Variants in MIA2 observed in about 807,000 individuals in gnomAD.
MIA2 encodes melanoma inhibitory activity protein 2.
In MIA2, 127 loss-of-function variants were observed where a neutral mutation model predicts 167.8. The observed-to-expected ratio is 0.76, with a 90% confidence interval of 0.66 to 0.88. The LOEUF (loss-of-function observed/expected upper bound fraction) is 0.88, where lower values mean the gene tolerates loss of function less well. Among genes scored for constraint, MIA2 ranks in the 40% least tolerant of loss-of-function variants. The pLI is 0.00. For missense variants in MIA2, 1,690 were observed against 1,624.7 expected, an observed-to-expected ratio of 1.04 and a Z score of -0.69; for synonymous variants, 552 against 541.9, an observed-to-expected ratio of 1.02 and a Z score of -0.26.
At chr14:39,250,660 C>T (rs972814481) in intron 4 of MIA2, among the ~76,000 whole-genome samples, 7 of 150,814 alleles carry the variant, frequency 4.6e-5, no homozygotes, top group African/African-American at 1.7e-4. Context: ...TGCGCCACTG[C>T]ACTCCAGCCT....
chr14:39,301,593 T>A (rs1379891661), intron 14 of MIA2, among the ~76,000 whole-genome samples: 1 of 152,242 alleles, frequency 6.6e-6, no homozygotes, highest in Middle Eastern at 3.2e-3. Flanking sequence ...ACACGTCATT[T>A]GATTATCTGT....
chr14:39,331,536 G>C (rs750250298), intron 25 of MIA2, among the ~76,000 whole-genome samples: 4 of 152,172 alleles, frequency 2.6e-5, no homozygotes, highest in Non-Finnish European at 5.9e-5. Context: ...AGTTGATGCA[G>C]TTTCTTCATC....
At chr14:39,387,047 G>T in exon 24 of MIA2, 1 of 687,834 alleles carries the variant, frequency 1.5e-6, no homozygotes, top group Non-Finnish European at 2.5e-6. Flanking sequence ...GTGCCGGGTA[G>T]CTGGCGGCGG....
Position 39,369,582 on chromosome 14 carries a change from G to C in MIA2, c.2249-17303G>C, listed in dbSNP as rs1362807491. On this transcript the variant is annotated intron_variant, in intron 23 of 23. Coordinates refer to the MIA2 transcript ENST00000341502. Reference sequence around the variant, plus strand: ...TTTTATCTTCAACCTAATCCTCTCTGCTCCTCCTCTCCTCCAAAAAAATGG... The same window carrying C: ...TTTTATCTTCAACCTAATCCTCTCTCCTCCTCCTCTCCTCCAAAAAAATGG... 2.0e-5 allele frequency among the ~76,000 whole-genome samples: 3 copies of C among 152,168 alleles called. No individual in the cohort carries two copies. The East Asian group carries it at 5.8e-4, about 29-fold the overall frequency.
At chr14:39,294,821 C>T in intron 12 of MIA2, 104 bp from the exon 13 acceptor site, 1 of 757,080 alleles carries the variant, frequency 1.3e-6, no homozygotes, top group Non-Finnish European at 2.3e-6. Context: ...TTAATATTGG[C>T]ATGGTTTTGC....
chr14:39,383,452 C>T (rs942323761), intron 23 of MIA2, among the ~76,000 whole-genome samples: 1 of 152,190 alleles, frequency 6.6e-6, no homozygotes, highest in Non-Finnish European at 1.5e-5. Flanking sequence ...ATCTCTCTCC[C>T]TCTCCTTGAG....
chr14:39,378,579 T>G (rs2075090598), intron 23 of MIA2, among the ~76,000 whole-genome samples: 1 of 152,216 alleles, frequency 6.6e-6, no homozygotes, highest in South Asian at 2.1e-4. Context: ...ACAAGGAAAT[T>G]TAGTTACTTC....
chr14:39,280,837 G>GT (rs929864401), intron 9 of MIA2, among the ~76,000 whole-genome samples: 3 of 149,592 alleles, frequency 2.0e-5, no homozygotes, highest in South Asian at 2.1e-4. Context: ...TCTAGGTGTG[G>GT]TTTTTTTCTA....
chr14:39,294,910 T>C lies in MIA2; in HGVS notation c.2392-15T>C. 6.5e-7 allele frequency: 1 copy of C among 1,548,562 alleles called. No individual in the cohort carries two copies. Among genetic ancestry groups the C allele is most frequent in the Non-Finnish European group, 8.9e-7 (1 of 1,122,394 alleles). On this transcript the variant is annotated splice_polypyrimidine_tract_variant and intron_variant, in intron 12 of 28. Transcript: ENST00000640607. ...AATTAATTGTTACAAACTTGACATT[T>C]TTTGTTTCACTTAGGCCAAAATGAC...
At chr14:39,358,497 C>T (rs917925392) in intron 23 of MIA2, among the ~76,000 whole-genome samples, 23 of 152,116 alleles carry the variant, frequency 1.5e-4, no homozygotes, top group Non-Finnish European at 2.8e-4. Flanking sequence ...GCCATGGGTT[C>T]GAACTTCCTC....
chr14:39,336,058 G>C (rs535175184), intron 25 of MIA2, among the ~76,000 whole-genome samples: 47 of 152,164 alleles, frequency 3.1e-4, no homozygotes, highest in South Asian at 2.1e-4. Context: ...ATAGTGTTAC[G>C]ATAAACATGA....
intron 23 of MIA2, among the ~76,000 whole-genome samples, chr14:39,361,950 GT>G (rs1201132299): frequency 2.0e-5 from 3 of 152,056 alleles, no homozygotes; most frequent in African/African-American, 7.2e-5. Flanking sequence ...GAGATGATCT[GT>G]TTTTTGTCCT....
downstream of MIA2, among the ~76,000 whole-genome samples, chr14:39,353,203 A>G (rs1461816523): frequency 6.6e-6 from 1 of 152,174 alleles, no homozygotes; most frequent in Non-Finnish European, 1.5e-5. Flanking sequence ...TTATCATTTC[A>G]AGTCCTCTTT....
At chr14:39,281,354 G>A (rs528948901) in intron 9 of MIA2, among the ~76,000 whole-genome samples, 6 of 151,950 alleles carry the variant, frequency 3.9e-5, no homozygotes, top group East Asian at 1.9e-4. Flanking sequence ...TGTCTCTTAC[G>A]TTCTTTTCCA....
chr14:39,240,735 T>C (rs2054000186), intron 3 of MIA2, 88 bp downstream of exon 3: 2 of 818,518 alleles, frequency 2.4e-6, no homozygotes, highest in South Asian at 3.2e-5. Flanking sequence ...ATTGGTTATG[T>C]ACCTTTTATA....
At chr14:39,297,271 T>C (rs1268738859) in intron 13 of MIA2, among the ~76,000 whole-genome samples, 2 of 151,866 alleles carry the variant, frequency 1.3e-5, no homozygotes, top group African/African-American at 4.8e-5. Flanking sequence ...TTTATGTTTT[T>C]AGTAGAGATG....
intron 2 of MIA2, 188 bp downstream of exon 2, chr14:39,237,243 T>A (rs1170723468): frequency 7.5e-6 from 5 of 665,008 alleles, no homozygotes; most frequent in Non-Finnish European, 1.3e-5. Context: ...TCCTCCCACC[T>A]CAGCCTCCTG....
At chr14:39,283,239 T>C (rs2059192746) in intron 9 of MIA2, among the ~76,000 whole-genome samples, 1 of 152,216 alleles carries the variant, frequency 6.6e-6, no homozygotes, top group African/African-American at 2.4e-5. Flanking sequence ...ATTTCATTTT[T>C]TTCGGATAAA....
chr14:39,313,761 C>T (rs1432113702), intron 19 of MIA2, among the ~76,000 whole-genome samples: 1 of 151,864 alleles, frequency 6.6e-6, no homozygotes, highest in Non-Finnish European at 1.5e-5. Context: ...AAGGTCCTTC[C>T]TCATTGGTTC....
Sources: gnomAD v4.1 joint callset for allele counts (sites outside exome capture counted in the v4.1 genomes callset) on GRCh38, gnomAD v4.1.1 for gene constraint, MANE v1.5 for transcripts, NCBI Gene and HGNC (gene_info 2026-07-23, HGNC 2026-07-21) for gene names.